OTOF: variants seen among roughly 807,000 people sequenced by gnomAD.
OTOF encodes the protein fer-1-like family member 2.
A neutral mutation model predicts 236.8 loss-of-function variants in OTOF; 218 were observed. The observed-to-expected ratio is 0.92, with a 90% confidence interval of 0.82 to 1.03. OTOF has a LOEUF of 1.03. Among genes scored for constraint, OTOF ranks in the 50% least tolerant of loss-of-function variants. OTOF has a pLI of 0.00. For synonymous variants in OTOF, 1,041 were observed against 1,072.5 expected (o/e 0.97, Z 0.57); for missense variants, 2,590 against 2,694.4 (o/e 0.96, Z 0.86).
intron 8 of OTOF, among the ~76,000 whole-genome samples, chr2:26,501,054 T>C (rs1666104668): frequency 6.6e-6 from 1 of 152,016 alleles, no homozygotes; most frequent in South Asian, 2.1e-4. Flanking sequence ...TATAGCTGAG[T>C]CCTGTTAGCC....
intron 1 of OTOF, among the ~76,000 whole-genome samples, chr2:26,539,180 AGAAG>A (rs1667151865): frequency 1.3e-5 from 2 of 152,128 alleles, no homozygotes; most frequent in South Asian, 4.1e-4. Flanking sequence ...AATGGTACAG[AGAAG>A]GGAGGATAAA....
Position 26,479,256 on chromosome 2 carries a change from G to A in OTOF, c.2214+8C>T, listed in dbSNP as rs749523222. The A allele has an allele frequency of 6.2e-7, 1 of 1,612,256 alleles. No homozygotes were observed. The highest frequency in any genetic ancestry group is 8.5e-7 in the Non-Finnish European group (1 of 1,179,774). ...CCCACCCCTGCTGGCCCCTGGCCTG[G>A]CCCTGACCAGCTTGTCGGCAATGTG... On this transcript the variant is annotated splice_region_variant and intron_variant, in intron 18 of 46. Transcript: ENST00000272371.
At position 26,462,824 on chromosome 2, in the gene OTOF, A is replaced by G. The variant is rs963430139; in HGVS notation, c.5193-643T>C. On this transcript the variant is annotated intron_variant, in intron 41 of 46. Coordinates refer to ENST00000272371, the MANE Select transcript of OTOF (RefSeq NM_194248.3). This position sits in a 1 kb window ranked among gnomAD's most constrained non-coding sequence, Gnocchi z 4.7. ...AATTTCAAGATGGCAACATAGGAGCATGGAAACAAGAGTGGGACCCTGTGT... is the reference window on the plus strand; with the variant it reads ...AATTTCAAGATGGCAACATAGGAGCGTGGAAACAAGAGTGGGACCCTGTGT... 6.6e-6 allele frequency among the ~76,000 whole-genome samples: 1 copy of G among 152,240 alleles called. No individual in the cohort carries two copies. The highest frequency in any genetic ancestry group is 1.5e-5 in the Non-Finnish European group (1 of 68,044).
At chr2:26,469,803 T>C (rs1296550025) in intron 32 of OTOF, among the ~76,000 whole-genome samples, 1 of 152,194 alleles carries the variant, frequency 6.6e-6, no homozygotes, top group Non-Finnish European at 1.5e-5. Flanking sequence ...CTAATAAATA[T>C]CACACCTAGC....
rs747462303 is a variant in OTOF, at chr2:26,475,919, T to C, written c.2986A>G (p.Thr996Ala). Residue 996 changes from threonine (T) to alanine (A), a missense_variant, in exon 24 of 47, where the codon ACA becomes GCA. Transcript: ENST00000272371. ...CCCTCCTCCCAGGCCCTCACCTCTGTGCACTGACTCTGATTGATGAAGAAG... is the reference window on the plus strand; with the variant it reads ...CCCTCCTCCCAGGCCCTCACCTCTGCGCACTGACTCTGATTGATGAAGAAG... Reference protein sequence around the residue: ...RVFFINQSQCTEVLNETLCPT... With the variant: ...RVFFINQSQCAEVLNETLCPT... The C allele has an allele frequency of 6.2e-7, 1 of 1,606,762 alleles. No individual in the cohort carries two copies. Among genetic ancestry groups the C allele is most frequent in the Admixed American group, 1.7e-5 (1 of 59,306 alleles).
chr2:26,544,900 G>A (rs369795234), intron 1 of OTOF, among the ~76,000 whole-genome samples: 126 of 152,062 alleles, frequency 8.3e-4, no homozygotes, highest in African/African-American at 2.9e-3. Context: ...AATTAGCCAG[G>A]CGTGGTGGTG....
At chr2:26,529,099 G>T (rs1475369036) in intron 2 of OTOF, among the ~76,000 whole-genome samples, 1 of 152,112 alleles carries the variant, frequency 6.6e-6, no homozygotes, top group Non-Finnish European at 1.5e-5. Context: ...CTCAGCAGGG[G>T]TCCCTGTCCC....
intron 3 of OTOF, 61 bp downstream of exon 3, chr2:26,527,771 G>A: frequency 8.3e-7 from 1 of 1,208,154 alleles, no homozygotes. Flanking sequence ...GGTAGCCCAA[G>A]GAGAAGAGCA....
In OTOF at chr2:26,489,668, C is replaced by A; in HGVS notation, c.960+10G>T. ...GTGGCCCTGCCGGCCAGGGGCTGCT[C>A]CCCACTCACCGAAATCTTGATGATC... On this transcript the variant is annotated intron_variant, in intron 10 of 46. Transcript: ENST00000272371. 6.2e-7 allele frequency: 1 copy of A among 1,611,034 alleles called. No individual in the cohort carries two copies. The highest frequency in any genetic ancestry group is 1.1e-5 in the South Asian group (1 of 91,020).
intron 1 of OTOF, among the ~76,000 whole-genome samples, chr2:26,540,807 T>C (rs1667194971): frequency 6.6e-6 from 1 of 152,078 alleles, no homozygotes; most frequent in Non-Finnish European, 1.5e-5. Context: ...AAGCAGAAGC[T>C]ATCTATACGG....
rs1666282008 is a variant in OTOF at position 26,507,664 on chromosome 2, C to G, written c.510-3819G>C. On this transcript the variant is annotated intron_variant, in intron 5 of 46. Coordinates refer to ENST00000272371, the MANE Select transcript of OTOF (RefSeq NM_194248.3). Reference sequence around the variant, plus strand: ...AAGCCAATAATCAACTCAGTGAAAACTCACTTTACAATCAAATGGCTCCTT... The same window carrying G: ...AAGCCAATAATCAACTCAGTGAAAAGTCACTTTACAATCAAATGGCTCCTT... Among the ~76,000 whole-genome samples, 3 of 152,146 alleles carry G rather than the reference C, an allele frequency of 2.0e-5. No homozygotes were observed. The South Asian group carries it at 6.2e-4, about 32-fold the overall frequency.
intron 32 of OTOF, 90 bp from the exon 33 acceptor site, chr2:26,468,564 T>C: frequency 1.1e-6 from 1 of 921,312 alleles, no homozygotes; most frequent in Non-Finnish European, 1.8e-6. Flanking sequence ...CCAGTCTTAA[T>C]GCACTAGAAG....
At position 26,465,845 on chromosome 2, in the gene OTOF, G is replaced by C. The variant is rs770448186; in HGVS notation, c.4629-3C>G. On this transcript the variant is annotated splice_region_variant and splice_polypyrimidine_tract_variant and intron_variant, in intron 37 of 46. Coordinates refer to ENST00000272371, the MANE Select transcript of OTOF (RefSeq NM_194248.3). ...AGGAGGCCTCGATGTCAAAGGACCT[G>C]GTGGGGTGGAGTTAGGAGAAGGGCT... is the stretch of plus-strand genomic sequence containing the variant. 19 of 1,614,126 alleles carry C rather than the reference G, an allele frequency of 1.2e-5. No individual in the cohort carries two copies. In the African/African-American group the frequency reaches 2.5e-4, roughly 22 times the overall value.
intron 16 of OTOF, 53 bp from the exon 17 acceptor site, chr2:26,479,706 C>T: frequency 6.4e-7 from 1 of 1,563,704 alleles, no homozygotes; most frequent in Admixed American, 1.7e-5. Context: ...CCAGGCCCCT[C>T]CCACCGTCCA....
intron 39 of OTOF, 122 bp downstream of exon 39, chr2:26,464,747 C>T: frequency 1.1e-6 from 1 of 942,302 alleles, no homozygotes; most frequent in East Asian, 2.7e-5. Context: ...GTCACTAAGA[C>T]CAGGTTTAGG....
At chr2:26,512,422 A>C (rs1666413788) in intron 5 of OTOF, among the ~76,000 whole-genome samples, 3 of 152,228 alleles carry the variant, frequency 2.0e-5, no homozygotes, top group Admixed American at 1.3e-4. Flanking sequence ...ACTTGTGTAC[A>C]CATGTGTGTG....
At chr2:26,527,942 C>A (rs375205281) in intron 2 of OTOF, 22 bp from the exon 3 acceptor site, 12 of 1,584,924 alleles carry the variant, frequency 7.6e-6, no homozygotes, top group South Asian at 2.2e-5. Context: ...GGGACAACTG[C>A]GGCTTCGGTG....
intron 2 of OTOF, among the ~76,000 whole-genome samples, chr2:26,537,340 G>A (rs915691540): frequency 3.3e-5 from 5 of 152,114 alleles, no homozygotes; most frequent in Admixed American, 6.5e-5. Context: ...CCTTTGCGAC[G>A]TCCCCAACAC....
At chr2:26,482,904 G>A (rs1665590537) in intron 13 of OTOF, among the ~76,000 whole-genome samples, 1 of 142,604 alleles carries the variant, frequency 7.0e-6, no homozygotes, top group Non-Finnish European at 1.5e-5. Context: ...TGTGTTAATG[G>A]GTGCATGTGT....
Sources: allele counts gnomAD v4.1 joint callset (sites outside exome capture counted in the v4.1 genomes callset), GRCh38; gene constraint gnomAD v4.1.1; non-coding constraint Gnocchi (gnomAD v3.1); transcripts MANE v1.5; gene names NCBI Gene and HGNC (gene_info 2026-07-23, HGNC 2026-07-21).